GABRB1: variants seen among roughly 807,000 people sequenced by gnomAD.
GABRB1 encodes the protein gamma-aminobutyric acid type A receptor subunit beta1, also known as gamma-aminobutyric acid receptor subunit beta-1.
In GABRB1, 17 loss-of-function variants were observed where a neutral mutation model predicts 51.6. The ratio of observed to expected loss-of-function variants is 0.33; its 90% CI spans 0.23 to 0.49. The LOEUF is 0.49. GABRB1 is among the 20% of genes least tolerant of loss of function. The pLI, the probability that GABRB1 is intolerant of heterozygous loss-of-function variation, is 0.99. For missense variants in GABRB1, 410 were observed against 600.6 expected (o/e 0.68, Z 3.32); for synonymous variants, 247 against 218.9 (o/e 1.13, Z -1.14).
intron 4 of GABRB1, among the ~76,000 whole-genome samples, chr4:47,315,954 T>TAATA (rs2109958233): frequency 1.3e-5 from 2 of 151,930 alleles, no homozygotes; most frequent in African/African-American, 4.8e-5. Flanking sequence ...ATTACCTGGG[T>TAATA]GGTGAAATAG....
Position 47,197,495 on chromosome 4 carries a change from T to C in GABRB1, c.461+36026T>C, listed in dbSNP as rs544506787. 1.4e-4 allele frequency among the ~76,000 whole-genome samples: 21 copies of C among 152,268 alleles called. No individual in the cohort carries two copies. The East Asian group carries it at 3.5e-3, about 25-fold the overall frequency. ...TTTCCTTACTATTCACAACTGAATC[T>C]GATGGAGGAAAATAATACAAAATTG... On this transcript the variant is annotated intron_variant, in intron 4 of 8. Coordinates refer to ENST00000295454, the MANE Select transcript of GABRB1 (RefSeq NM_000812.4).
At chr4:47,018,541 A>G (rs1381021477) in intron 1 of GABRB1, among the ~76,000 whole-genome samples, 1 of 152,142 alleles carries the variant, frequency 6.6e-6, no homozygotes, top group Admixed American at 6.6e-5. Flanking sequence ...CAGGCAGTTG[A>G]AAATCCATGT....
chr4:47,406,330 A>G (rs568445252), intron 7 of GABRB1, among the ~76,000 whole-genome samples: 1 of 152,356 alleles, frequency 6.6e-6, no homozygotes, highest in East Asian at 1.9e-4. Flanking sequence ...TGCTGAGAAA[A>G]GGAAGAAAGA....
At chr4:47,211,076 G>T (rs1217538936) in intron 4 of GABRB1, among the ~76,000 whole-genome samples, 2 of 152,168 alleles carry the variant, frequency 1.3e-5, no homozygotes, top group Admixed American at 1.3e-4. Flanking sequence ...TGATTAACCA[G>T]CTGACATGTC....
At chr4:47,367,985 A>G (rs1199194915) in intron 5 of GABRB1, among the ~76,000 whole-genome samples, 3 of 152,218 alleles carry the variant, frequency 2.0e-5, no homozygotes, top group Non-Finnish European at 4.4e-5. Context: ...CTAAGTATCT[A>G]TCGCAACAGT....
chr4:47,412,997 C>G (rs188607224), intron 8 of GABRB1, among the ~76,000 whole-genome samples: 9 of 152,264 alleles, frequency 5.9e-5, no homozygotes, highest in Admixed American at 3.9e-4. Flanking sequence ...GTACTGTACT[C>G]GGGTGAAAAA....
chr4:47,022,932 T>C (rs905548376), intron 1 of GABRB1, among the ~76,000 whole-genome samples: 1 of 152,012 alleles, frequency 6.6e-6, no homozygotes, highest in Non-Finnish European at 1.5e-5. Flanking sequence ...TAAGAGTCCA[T>C]GAACAGATGA....
chr4:47,159,547 T>C (rs1185868075), intron 3 of GABRB1, among the ~76,000 whole-genome samples: 2 of 151,514 alleles, frequency 1.3e-5, no homozygotes. Flanking sequence ...TGGAAGGAGG[T>C]TTCATATCTT....
chr4:47,074,009 A>G (rs1223420820), intron 3 of GABRB1, among the ~76,000 whole-genome samples: 2 of 152,198 alleles, frequency 1.3e-5, no homozygotes, highest in African/African-American at 4.8e-5. Context: ...ATATCAAGCC[A>G]TCATTGGATT....
intron 4 of GABRB1, among the ~76,000 whole-genome samples, chr4:47,190,016 C>G (rs1404822657): frequency 6.6e-6 from 1 of 151,950 alleles, no homozygotes; most frequent in African/African-American, 2.4e-5. Context: ...TTGGAAACTG[C>G]AGAGAAACAA....
intron 5 of GABRB1, among the ~76,000 whole-genome samples, chr4:47,369,072 C>G (rs1727092338): frequency 6.6e-6 from 1 of 152,168 alleles, no homozygotes; most frequent in South Asian, 2.1e-4. Flanking sequence ...CACATCACTG[C>G]ACTCCAGCCT....
chr4:47,391,483 C>T (rs909415534), intron 5 of GABRB1, among the ~76,000 whole-genome samples: 20 of 152,312 alleles, frequency 1.3e-4, no homozygotes, highest in Admixed American at 1.0e-3. Flanking sequence ...CAACTGCAAG[C>T]GGCAAACCAT....
chr4:47,192,630 T>C (rs1719484019), intron 4 of GABRB1, among the ~76,000 whole-genome samples: 1 of 152,172 alleles, frequency 6.6e-6, no homozygotes, highest in African/African-American at 2.4e-5. Flanking sequence ...ACATAAATGG[T>C]AGATACTTTG....
At chr4:47,156,811 T>TA (rs2109729489) in intron 3 of GABRB1, among the ~76,000 whole-genome samples, 1 of 151,838 alleles carries the variant, frequency 6.6e-6, no homozygotes, top group South Asian at 2.1e-4. Context: ...CTACTAAAAA[T>TA]ACAAAAATTA....
intron 3 of GABRB1, among the ~76,000 whole-genome samples, chr4:47,130,170 A>G (rs1366891600): frequency 6.6e-6 from 1 of 152,050 alleles, no homozygotes. Context: ...TGTAAGCTTG[A>G]TCATGTCACT....
chr4:47,014,302 A>T (rs1046993891), intron 1 of GABRB1, among the ~76,000 whole-genome samples: 2 of 152,162 alleles, frequency 1.3e-5, no homozygotes, highest in Non-Finnish European at 2.9e-5. Flanking sequence ...TTCTACAAAC[A>T]CTTGCAGCTA....
intron 4 of GABRB1, among the ~76,000 whole-genome samples, chr4:47,249,622 T>C (rs1462285482): frequency 1.3e-5 from 2 of 152,184 alleles, no homozygotes; most frequent in African/African-American, 4.8e-5. Flanking sequence ...GTTAGGTGCA[T>C]ATATGTTTAG....
intron 3 of GABRB1, among the ~76,000 whole-genome samples, chr4:47,131,302 G>A (rs1716402628): frequency 6.6e-6 from 1 of 152,042 alleles, no homozygotes; most frequent in Non-Finnish European, 1.5e-5. Flanking sequence ...GGGATTACAG[G>A]CACGTGCCAC....
At chr4:47,322,991 CAACAACAAT>C (rs1418491136) in intron 5 of GABRB1, among the ~76,000 whole-genome samples, 11 of 151,900 alleles carry the variant, frequency 7.2e-5, no homozygotes, top group African/African-American at 2.4e-4. Context: ...ACAACAACAA[CAACAACAAT>C]AATAATAATA....
Sources: allele counts gnomAD v4.1 joint callset (sites outside exome capture counted in the v4.1 genomes callset), GRCh38; gene constraint gnomAD v4.1.1; transcripts MANE v1.5; gene names NCBI Gene and HGNC (gene_info 2026-07-23, HGNC 2026-07-21).